Variants in ALPG observed in about 807,000 individuals in gnomAD.
The protein encoded by ALPG is alkaline phosphatase, germ cell, also known as alkaline phosphatase, germ cell type.
In ALPG, 32 loss-of-function variants were observed where a neutral mutation model predicts 48.6. The observed-to-expected ratio is 0.66, with a 90% CI of 0.50 to 0.88. ALPG has a LOEUF of 0.88. Among genes scored for constraint, ALPG ranks in the 40% least tolerant of loss-of-function variants. ALPG has a pLI of 0.00. For synonymous variants in ALPG, 244 were observed against 308.9 expected (o/e 0.79, Z 2.20); for missense variants, 533 against 718.1 (o/e 0.74, Z 2.95).
chr2:232,409,680 C>T lies in ALPG; in HGVS notation c.1407C>T (p.His469=), dbSNP rs1372574543. Residue 469 remains histidine, a synonymous_variant, in exon 11 of 11, where the codon CAC becomes CAT. Transcript: ENST00000295453. ...GCGGCCCGCAGGCGCACCTGGTTCACGGCGTGCAGGAGCAGACCTTCATAG... is the reference window on the plus strand; with the variant it reads ...GCGGCCCGCAGGCGCACCTGGTTCATGGCGTGCAGGAGCAGACCTTCATAG... ...FARGPQAHLV[H]GVQEQTFIAH... 1.2e-6 allele frequency: 2 copies of T among 1,611,402 alleles called. No individual in the cohort carries two copies. Among genetic ancestry groups the T allele is most frequent in the Non-Finnish European group, 1.7e-6 (2 of 1,179,174 alleles).
Position 232,409,923 on chromosome 2 carries a change from C to T in ALPG, c.*51C>T, listed in dbSNP as rs748608750. 6.7e-7 allele frequency: 1 copy of T among 1,492,282 alleles called. No homozygotes were observed. Among genetic ancestry groups the T allele is most frequent in the South Asian group, 1.3e-5 (1 of 74,932 alleles). 92.4% of individuals were successfully genotyped at this position (1,492,282 alleles called of 1,614,324 possible). On this transcript the variant is annotated 3_prime_UTR_variant, in exon 11 of 11. Transcript: ENST00000295453. ...TCCCCATCCCGGAGTTCCCCTGCTC[C>T]CCACCTCCAGTCGTCCTGCCGGACC...
chr2:232,408,772 G>C lies in ALPG; in HGVS notation c.925G>C (p.Glu309Gln), dbSNP rs1336772576. ...CTCCACACTGGACCCCTCCCTGATG[G>C]AGATGACAGAGGCTGCCCTGCTCCT... ...RDSTLDPSLM[E>Q]MTEAALLLLS... Residue 309 changes from glutamate to glutamine, a missense_variant, in exon 8 of 11, where the codon GAG (glutamate) becomes CAG (glutamine). Glu to Gln is a conservative substitution (Grantham distance 29, BLOSUM62 2). Around this residue, in one of 6 missense-constraint regions of ALPG, gnomAD observed 17 missense variants for 56.2 expected, o/e 0.30. Transcript: ENST00000295453. The C allele has an allele frequency of 9.9e-7, 1 of 1,006,666 alleles. No individual in the cohort carries two copies. The highest frequency in any genetic ancestry group is 2.7e-5 in the East Asian group (1 of 36,834). The allele number at this position is 1,006,666 out of a possible 1,614,324, so 62.4% of individuals were successfully genotyped here. A position where few individuals can be genotyped will look rare whatever the true frequency, so the allele number is the denominator to read the frequency against.
Position 232,409,024 on chromosome 2 carries a change from C to G in ALPG, c.1095C>G (p.Ser365Arg). The G allele has an allele frequency of 9.7e-7, 1 of 1,035,632 alleles. No individual in the cohort carries two copies. 64.2% of individuals were successfully genotyped at this position (1,035,632 alleles called of 1,614,324 possible). Residue 365 changes from serine to arginine, a missense_variant, in exon 9 of 11, where the codon AGC (serine) becomes AGG (arginine). Around this residue, in one of 6 missense-constraint regions of ALPG, gnomAD observed 5 missense variants for 77.5 expected, o/e 0.06. Transcript: ENST00000295453. The stretch of plus-strand genomic sequence containing the variant: ...TTGAGAGGGCGGGCCAGCTCACCAG[C>G]GAGGAGGACACGCTGAGCCTCGTCA... Reference protein sequence around the residue: ...DAIERAGQLTSEEDTLSLVTA... With the variant: ...DAIERAGQLTREEDTLSLVTA...
In ALPG at chr2:232,408,238, A is replaced by G. The variant is rs369229942; in HGVS notation, c.649-29A>G. On this transcript the variant is annotated intron_variant, in intron 5 of 10. Coordinates refer to ENST00000295453, the MANE Select transcript of ALPG (RefSeq NM_031313.3). Reference sequence around the variant, plus strand: ...GGACACGGGGCCAGCCAGGCCCCCAAATCCACCTGCCCCATCCTCTGTTCC... The same window carrying G: ...GGACACGGGGCCAGCCAGGCCCCCAGATCCACCTGCCCCATCCTCTGTTCC... The G allele has an allele frequency of 3.4e-5, 55 of 1,612,164 alleles. No individual in the cohort carries two copies. The African/African-American group carries it at 6.5e-4, about 19-fold the overall frequency.
chr2:232,406,988 AC>A (rs1172331692), intron 1 of ALPG, 27 bp downstream of exon 1: 5 of 344,686 alleles, frequency 1.5e-5, no homozygotes, highest in Admixed American at 1.3e-4. Flanking sequence ...AGCTGCCCCT[AC>A]ACACACACAC....
Position 232,407,212 on chromosome 2 carries a change from G to A in ALPG, c.184+39G>A, listed in dbSNP as rs535783182. The A allele has an allele frequency of 6.8e-5, 109 of 1,613,946 alleles. 3 individuals are homozygous for A. In the South Asian group the frequency reaches 1.1e-3, roughly 16 times the overall value. ...GCCTTCCAGCCCCGCAGCCCTCACA[G>A]CCCCGGCGCCCGGACCCTCAGTGGT... On this transcript the variant is annotated intron_variant, in intron 2 of 10. Coordinates refer to ENST00000295453, the MANE Select transcript of ALPG (RefSeq NM_031313.3).
At position 232,407,097 on chromosome 2, in the gene ALPG, C is replaced by G. The variant is rs761500611; in HGVS notation, c.108C>G (p.Ala36=). The G allele has an allele frequency of 6.2e-7, 1 of 1,613,724 alleles. No homozygotes were observed. Among genetic ancestry groups the G allele is most frequent in the African/African-American group, 1.3e-5 (1 of 74,864 alleles). ...ENPDFWNRQA[A]EALGAAKKLQ... is the part of the protein sequence containing the mutation. ...CGGACTTCTGGAACCGCCAGGCAGC[C>G]GAGGCCCTGGGTGCCGCCAAGAAGC... Residue 36 remains alanine (A), a synonymous_variant, in exon 2 of 11, where the codon GCC becomes GCG. Transcript: ENST00000295453.
rs1130348 is a variant in ALPG at position 232,409,966 on chromosome 2, C to A, written c.*94C>A. ...GCCGGACCTCCACCTGGAGCTGTCA[C>A]CCCCGGAGTCGCCACACAGACGTCC... On this transcript the variant is annotated 3_prime_UTR_variant, in exon 11 of 11. Transcript: ENST00000295453. 1.1e-5 allele frequency: 16 copies of A among 1,448,692 alleles called. No individual in the cohort carries two copies. The highest frequency in any genetic ancestry group is 1.4e-5 in the Non-Finnish European group (15 of 1,105,460). The allele number at this position is 1,448,692 out of a possible 1,614,324, so 89.7% of individuals were successfully genotyped here.
rs1444451771 is a variant in ALPG at position 232,410,587 on chromosome 2, C to A, written c.*715C>A. On this transcript the variant is annotated 3_prime_UTR_variant, in exon 11 of 11. Coordinates refer to ENST00000295453, the MANE Select transcript of ALPG (RefSeq NM_031313.3). ...AGGATAGCAGTCCAGAGTCCATGGC[C>A]CCGCCTAGGCCATCTGGGTGCTGGG... The A allele has an allele frequency of 6.6e-6, 1 of 152,270 alleles. No individual in the cohort carries two copies. The highest frequency in any genetic ancestry group is 6.5e-5 in the Admixed American group (1 of 15,290). The allele number at this position is 152,270 out of a possible 1,614,324, so 9.4% of individuals were successfully genotyped here. A position where few individuals can be genotyped will look rare whatever the true frequency, so the allele number is the denominator to read the frequency against.
chr2:232,410,405 C>T lies in ALPG; in HGVS notation c.*533C>T, dbSNP rs529952796. 4.1e-5 allele frequency: 7 copies of T among 169,106 alleles called. No individual in the cohort carries two copies. The highest frequency in any genetic ancestry group is 1.7e-4 in the African/African-American group (7 of 41,686). The allele number at this position is 169,106 out of a possible 1,614,324, so 10.5% of individuals were successfully genotyped here. A position where few individuals can be genotyped will look rare whatever the true frequency, so the allele number is the denominator to read the frequency against. The stretch of plus-strand genomic sequence containing the variant: ...GCTTTGACACAGTCCTCTGCTGTCC[C>T]TCCACTGGGCTAATTCTACACCCCT... On this transcript the variant is annotated 3_prime_UTR_variant, in exon 11 of 11. Transcript: ENST00000295453.
Position 232,409,498 on chromosome 2 carries a change from G to C in ALPG, c.1300+50G>C, listed in dbSNP as rs774732852. 1.7e-5 allele frequency: 27 copies of C among 1,607,084 alleles called. No homozygotes were observed. In the Admixed American group the frequency reaches 4.5e-4, roughly 27 times the overall value. On this transcript the variant is annotated intron_variant, in intron 10 of 10. Transcript: ENST00000295453. Reference sequence around the variant, plus strand: ...GAGGGGGACCAGGGTGCCAAGGATGGGGGGCTGGCGGGAAGGGGTCACCTC... The same window carrying C: ...GAGGGGGACCAGGGTGCCAAGGATGCGGGGCTGGCGGGAAGGGGTCACCTC...
chr2:232,407,289 T>C lies in ALPG; in HGVS notation c.188T>C (p.Met63Thr), dbSNP rs1559247236. The change falls in exon 3 of 11, where the codon ATG becomes ACG. Residue 63 changes from methionine (M) to threonine (T), a missense_variant. This residue lies in a region of ALPG where 315 missense variants were observed against 305.8 expected (regional missense o/e 1.03). Transcript: ENST00000295453. ...KNLIIFLGDG[M>T]GVSTVTAARI... Reference sequence around the variant, plus strand: ...TCACACACTTCTGCTCCTTCAGGGATGGGGGTGTCTACGGTGACAGCTGCC... The same window carrying C: ...TCACACACTTCTGCTCCTTCAGGGACGGGGGTGTCTACGGTGACAGCTGCC... 1 of 1,613,736 alleles carries C rather than the reference T, an allele frequency of 6.2e-7. No individual in the cohort carries two copies. The highest frequency in any genetic ancestry group is 1.3e-5 in the African/African-American group (1 of 74,952).
chr2:232,407,138 C>G lies in ALPG; in HGVS notation c.149C>G (p.Thr50Arg). Residue 50 changes from threonine to arginine, a missense_variant, in exon 2 of 11, where the codon ACA becomes AGA. Thr to Arg is a moderately conservative substitution (Grantham distance 71). Transcript: ENST00000295453. ...GAAKKLQPAQ[T>R]AAKNLIIFLG... ...GCCAAGAAGCTGCAGCCTGCACAGA[C>G]AGCCGCCAAGAACCTCATCATCTTC... 1 of 1,614,030 alleles carries G rather than the reference C, an allele frequency of 6.2e-7. No individual in the cohort carries two copies. Among genetic ancestry groups the G allele is most frequent in the South Asian group, 1.1e-5 (1 of 90,980 alleles).
At position 232,410,616 on chromosome 2, in the gene ALPG, G is replaced by A. The variant is rs1299914897; in HGVS notation, c.*744G>A. On this transcript the variant is annotated 3_prime_UTR_variant, in exon 11 of 11. Coordinates refer to ENST00000295453, the MANE Select transcript of ALPG (RefSeq NM_031313.3). ...CCTAGGCCATCTGGGTGCTGGGCAT[G>A]GATTTCTCAGCAAGGAAGACTCATT... 6.6e-6 allele frequency: 1 copy of A among 152,298 alleles called. No individual in the cohort carries two copies. The highest frequency in any genetic ancestry group is 1.5e-5 in the Non-Finnish European group (1 of 68,100). 9.4% of individuals were successfully genotyped at this position (152,298 alleles called of 1,614,324 possible).
rs575918099 is a variant in ALPG at position 232,409,657 on chromosome 2, G to T, written c.1384G>T (p.Gly462Cys). Residue 462 changes from glycine (G) to cysteine (C), a missense_variant, in exon 11 of 11, where the codon GGC (glycine) becomes TGC (cysteine). Around this residue, in one of 6 missense-constraint regions of ALPG, gnomAD observed 145 missense variants for 174.3 expected, o/e 0.83. Transcript: ENST00000295453. The stretch of plus-strand genomic sequence containing the variant: ...CGAGGACGTGGCGGTGTTCGCGCGC[G>T]GCCCGCAGGCGCACCTGGTTCACGG... ...AGEDVAVFAR[G>C]PQAHLVHGVQ... is the part of the protein sequence containing the mutation. 1 of 1,610,544 alleles carries T rather than the reference G, an allele frequency of 6.2e-7. No homozygotes were observed. Among genetic ancestry groups the T allele is most frequent in the Middle Eastern group, 1.7e-4 (1 of 6,044 alleles).
Position 232,407,986 on chromosome 2 carries a change from C to A in ALPG, c.617C>A (p.Ala206Asp). ...SARQEGCQDI[A>D]TQLISNMDID... Reference sequence around the variant, plus strand: ...CGCCAGGAGGGGTGCCAGGACATCGCCACGCAGCTCATCTCCAACATGGAC... The same window carrying A: ...CGCCAGGAGGGGTGCCAGGACATCGACACGCAGCTCATCTCCAACATGGAC... Residue 206 changes from alanine (A) to aspartate (D), a missense_variant, in exon 5 of 11, where the codon GCC becomes GAC. Around this residue, in one of 6 missense-constraint regions of ALPG, gnomAD observed 315 missense variants for 305.8 expected, o/e 1.03. Transcript: ENST00000295453. 6.2e-7 allele frequency: 1 copy of A among 1,612,644 alleles called. No individual in the cohort carries two copies. Among genetic ancestry groups the A allele is most frequent in the Middle Eastern group, 1.7e-4 (1 of 5,972 alleles).
chr2:232,407,008 G>A (rs1280528231), intron 1 of ALPG, 47 bp downstream of exon 1: 2 of 1,599,964 alleles, frequency 1.3e-6, no homozygotes, highest in African/African-American at 1.4e-5. Flanking sequence ...ACACACACAG[G>A]GCACCCCCCA....
Position 232,410,013 on chromosome 2 carries a change from C to G in ALPG, c.*141C>G, listed in dbSNP as rs566755019. ...GTCCTGCCATGGAACCTTCCCCTCC[C>G]GGTGCACCCTGGGGACCGAGCCCTT... On this transcript the variant is annotated 3_prime_UTR_variant, in exon 11 of 11. Transcript: ENST00000295453. The G allele has an allele frequency of 3.9e-6, 5 of 1,297,172 alleles. No individual in the cohort carries two copies. In the East Asian group the frequency reaches 7.6e-5, roughly 20 times the overall value. 80.4% of individuals were successfully genotyped at this position (1,297,172 alleles called of 1,614,324 possible).
Position 232,406,962 on chromosome 2 carries a change from G to A in ALPG, c.67+1G>A. On this transcript the variant is annotated splice_donor_variant, in intron 1 of 10. Transcript: ENST00000295453. LOFTEE classifies it high-confidence loss of function. Reference sequence around the variant, plus strand: ...CAGCTCTCCCTGGGCATCATCCCAGGTAATGAGGCTCCCCCAGCTGCCCCT... The same window carrying A: ...CAGCTCTCCCTGGGCATCATCCCAGATAATGAGGCTCCCCCAGCTGCCCCT... 1 of 1,611,574 alleles carries A rather than the reference G, an allele frequency of 6.2e-7. No individual in the cohort carries two copies. The highest frequency in any genetic ancestry group is 8.5e-7 in the Non-Finnish European group (1 of 1,179,486).
Sources: gnomAD v4.1 joint callset for allele counts on GRCh38, gnomAD v4.1.1 for gene constraint, gnomAD v4.1.1 regional missense constraint, MANE v1.5 for transcripts, NCBI Gene and HGNC (gene_info 2026-07-23, HGNC 2026-07-21) for gene names.